The following RAB10 variants were observed in gnomAD, a reference collection of about 807,000 sequenced individuals.
RAB10 encodes ras-related protein Rab-10.
RAB10 carries 5 observed loss-of-function variants against 25.7 expected under a neutral mutation model. The observed-to-expected ratio is 0.19, with a 90% confidence interval of 0.10 to 0.41. RAB10 has a LOEUF of 0.41. Among genes scored for constraint, RAB10 ranks in the 10% least tolerant of loss-of-function variants. RAB10 has a pLI of 1.00. For synonymous variants in RAB10, 89 were observed against 86.4 expected, an observed-to-expected ratio of 1.03 and a Z score of -0.16; for missense variants, 103 against 245.8, an observed-to-expected ratio of 0.42 and a Z score of 3.89.
At chr2:26,061,092 C>CTTTT (rs5829993) in intron 1 of RAB10, among the ~76,000 whole-genome samples, 438 of 83,618 alleles carry the variant, frequency 5.2e-3, no homozygotes, top group African/African-American at 9.2e-3. Context: ...TTATCTCTGT[C>CTTTT]TTTTTTTTTT....
chr2:26,101,703 A>C (rs1172920024), intron 2 of RAB10: 1 of 90,710 alleles, frequency 1.1e-5, no homozygotes, highest in Non-Finnish European at 2.2e-5. Context: ...TGGGAAATGG[A>C]GAGGTTGGCC....
chr2:26,099,058 C>A (rs145399415), intron 2 of RAB10, among the ~76,000 whole-genome samples: 1 of 151,980 alleles, frequency 6.6e-6, no homozygotes, highest in South Asian at 2.1e-4. Context: ...AAATGCATTG[C>A]GAAAATGTTT....
chr2:26,097,207 C>T (rs773383634), intron 1 of RAB10, among the ~76,000 whole-genome samples: 1 of 152,098 alleles, frequency 6.6e-6, no homozygotes, highest in Admixed American at 6.6e-5. Flanking sequence ...CAGAGCAAGA[C>T]CTTGTCTCAA....
intron 3 of RAB10, among the ~76,000 whole-genome samples, chr2:26,117,637 A>AAAAAAC (rs1667720668): frequency 7.2e-6 from 1 of 138,134 alleles, no homozygotes; most frequent in African/African-American, 2.7e-5. Context: ...AAAAAAAAAC[A>AAAAAAC]AAAAAAACAA....
intron 1 of RAB10, among the ~76,000 whole-genome samples, chr2:26,076,175 T>C (rs1666729257): frequency 6.7e-6 from 1 of 150,046 alleles, no homozygotes; most frequent in African/African-American, 2.5e-5. Flanking sequence ...CCATAACATA[T>C]TGGAGATAGA....
chr2:26,039,251 C>T (rs527278244), intron 1 of RAB10, among the ~76,000 whole-genome samples: 2 of 152,080 alleles, frequency 1.3e-5, no homozygotes, highest in East Asian at 1.9e-4. Context: ...GAACTCCTGA[C>T]GTCAGGTGAT....
intron 1 of RAB10, among the ~76,000 whole-genome samples, chr2:26,038,661 G>A (rs1665817929): frequency 6.6e-6 from 1 of 151,816 alleles, no homozygotes; most frequent in Non-Finnish European, 1.5e-5. Flanking sequence ...GATGGCTCAC[G>A]CCTATAATCC....
At chr2:26,080,592 T>A (rs1479399867) in intron 1 of RAB10, among the ~76,000 whole-genome samples, 3 of 152,160 alleles carry the variant, frequency 2.0e-5, no homozygotes, top group Non-Finnish European at 4.4e-5. Flanking sequence ...CACTGTAACC[T>A]TGAACTCTTG....
chr2:26,117,562 C>T (rs1395128956), intron 3 of RAB10, among the ~76,000 whole-genome samples: 1 of 150,116 alleles, frequency 6.7e-6, no homozygotes, highest in East Asian at 2.0e-4. Context: ...TTGCAGTGAG[C>T]CAAGGTCGTG....
chr2:26,052,716 TCTC>T lies in RAB10; in HGVS notation c.127+17984_127+17986del, dbSNP rs1356451401. Among the ~76,000 whole-genome samples, 9 of 152,262 alleles carry T rather than the reference TCTC, an allele frequency of 5.9e-5. No individual in the cohort carries two copies. In the East Asian group the frequency reaches 1.5e-3, roughly 26 times the overall value. ...TTGTATTTAATCTTATTTTTTCAAA[TCTC>T]CTATCTGTAGTCTCATTCCCATACT... On this transcript the variant is annotated intron_variant, in intron 1 of 5. Transcript: ENST00000264710.
chr2:26,118,281 C>A (rs1321354859), intron 3 of RAB10, among the ~76,000 whole-genome samples: 1 of 151,640 alleles, frequency 6.6e-6, no homozygotes, highest in African/African-American at 2.4e-5. Context: ...AAAAGATGTT[C>A]TTTTAGCTCC....
chr2:26,058,114 G>GTA (rs2149266187), intron 1 of RAB10, among the ~76,000 whole-genome samples: 1 of 152,250 alleles, frequency 6.6e-6, no homozygotes, highest in East Asian at 1.9e-4. Context: ...TCCTTCACTG[G>GTA]TATCTCACAT....
intron 3 of RAB10, 83 bp downstream of exon 3, chr2:26,109,989 T>C: frequency 7.4e-7 from 1 of 1,343,636 alleles, no homozygotes; most frequent in Non-Finnish European, 1.0e-6. Context: ...CAACTGATCT[T>C]CAGGATATAA....
intron 1 of RAB10, among the ~76,000 whole-genome samples, chr2:26,059,954 G>T (rs773381220): frequency 6.6e-6 from 1 of 152,118 alleles, no homozygotes; most frequent in African/African-American, 2.4e-5. Flanking sequence ...AATATTAAAA[G>T]ATTGTCATAA....
Position 26,135,046 on chromosome 2 carries a change from C to T in RAB10, c.*25C>T, listed in dbSNP as rs377740486. On this transcript the variant is annotated 3_prime_UTR_variant, in exon 6 of 6. Transcript: ENST00000264710. ...AGCATTCTCCTGTTCCATCAGTTGC[C>T]ATCCACTACCCCGTTTTCTCTTCTT... 1 of 1,565,402 alleles carries T rather than the reference C, an allele frequency of 6.4e-7. No individual in the cohort carries two copies. Among genetic ancestry groups the T allele is most frequent in the Non-Finnish European group, 8.8e-7 (1 of 1,138,646 alleles).
intron 1 of RAB10, among the ~76,000 whole-genome samples, chr2:26,049,549 C>G (rs186247379): frequency 6.6e-6 from 1 of 151,910 alleles, no homozygotes; most frequent in African/African-American, 2.4e-5. Context: ...GGTGGGATTA[C>G]AGGCACGCAC....
At chr2:26,087,015 G>T (rs997182514) in intron 1 of RAB10, among the ~76,000 whole-genome samples, 1 of 152,150 alleles carries the variant, frequency 6.6e-6, no homozygotes, top group Non-Finnish European at 1.5e-5. Flanking sequence ...TCGTTTTGAG[G>T]TGATGAAAAC....
At chr2:26,061,208 G>A (rs977920749) in intron 1 of RAB10, among the ~76,000 whole-genome samples, 6 of 149,048 alleles carry the variant, frequency 4.0e-5, no homozygotes, top group African/African-American at 1.2e-4. Flanking sequence ...TCTGCCTCCC[G>A]GGCTCAAGCT....
intron 1 of RAB10, among the ~76,000 whole-genome samples, chr2:26,080,306 A>G (rs1403345073): frequency 6.6e-6 from 1 of 152,250 alleles, no homozygotes; most frequent in Admixed American, 6.5e-5. Flanking sequence ...AAAAAGAATG[A>G]GAGAAACACC....
Sources: gnomAD v4.1 joint callset for allele counts (sites outside exome capture counted in the v4.1 genomes callset) on GRCh38, gnomAD v4.1.1 for gene constraint, MANE v1.5 for transcripts, NCBI Gene and HGNC (gene_info 2026-07-23, HGNC 2026-07-21) for gene names.